The following SCARF2 variants were observed in gnomAD, a reference collection of about 807,000 sequenced individuals.
The protein encoded by SCARF2 is scavenger receptor expressed by endothelial cells 2 protein.
In SCARF2, 39 loss-of-function variants were observed where a neutral mutation model predicts 73.4. That is an observed-to-expected ratio of 0.53 (90% CI 0.41 to 0.69). The LOEUF (loss-of-function observed/expected upper bound fraction) is 0.69, where lower values mean the gene tolerates loss of function less well. Ranked by LOEUF, SCARF2 falls within the 30% of genes least tolerant of loss-of-function variation. The probability of loss-of-function intolerance (pLI) is 0.00; values close to 1 mark genes in which losing one functional copy is unlikely to be tolerated. For missense variants in SCARF2, 1,148 were observed against 1,303.5 expected (o/e 0.88, Z 1.84); for synonymous variants, 605 against 590.0 (o/e 1.03, Z -0.37).
chr22:20,428,048 G>C (rs1303043455), intron 9 of SCARF2, among the ~76,000 whole-genome samples: 1 of 152,116 alleles, frequency 6.6e-6, no homozygotes, highest in Non-Finnish European at 1.5e-5. Context: ...CCCCACAACA[G>C]GGGGCCCCAG....
rs1400213558 is a variant in SCARF2, at chr22:20,425,326, G to A, written c.*49C>T. On this transcript the variant is annotated 3_prime_UTR_variant, in exon 11 of 11. Coordinates refer to ENST00000622235, the MANE Select transcript of SCARF2 (RefSeq NM_182895.5). The surrounding 1 kb of genome is among the most constrained non-coding windows in gnomAD (Gnocchi z 4.6). Reference sequence around the variant, plus strand: ...GTAGCGTGGGAGGTGTGGGGTGGCGGGCGGCGCTGCGAAGCTGAGGGAGCT... The same window carrying A: ...GTAGCGTGGGAGGTGTGGGGTGGCGAGCGGCGCTGCGAAGCTGAGGGAGCT... The A allele has an allele frequency of 7.6e-7, 1 of 1,318,126 alleles. No individual in the cohort carries two copies. 81.7% of individuals were successfully genotyped at this position (1,318,126 alleles called of 1,614,324 possible).
At chr22:20,435,908 C>A (rs1181392136) in intron 1 of SCARF2, among the ~76,000 whole-genome samples, 1 of 152,258 alleles carries the variant, frequency 6.6e-6, no homozygotes, top group Admixed American at 6.5e-5. Context: ...CTCCTCTCCC[C>A]ATCCTCCTGC....
In SCARF2 at chr22:20,430,843, G is replaced by A. The variant is rs750518248; in HGVS notation, c.920C>T (p.Pro307Leu). Residue 307 changes from proline (P) to leucine (L), a missense_variant, in exon 5 of 11, where the codon CCC becomes CTC. Physicochemically the swap from Pro to Leu is moderately conservative, Grantham distance 98. Around this residue, in one of 5 missense-constraint regions of SCARF2, gnomAD observed 372 missense variants for 532.0 expected, o/e 0.70. Coordinates refer to ENST00000622235, the MANE Select transcript of SCARF2 (RefSeq NM_182895.5). ...VAEGRCLTCE[P>L]GWNGTKCDQP... ...GTCGCACTTGGTTCCGTTCCAGCCG[G>A]GCTCGCACGTCAAGCAGCGGCCCTC... is the stretch of plus-strand genomic sequence containing the variant. 8.1e-6 allele frequency: 13 copies of A among 1,607,184 alleles called. No individual in the cohort carries two copies. Among genetic ancestry groups the A allele is most frequent in the Non-Finnish European group, 1.1e-5 (13 of 1,178,116 alleles).
chr22:20,437,461 G>A, intron 1 of SCARF2, 121 bp downstream of exon 1: 1 of 1,076,608 alleles, frequency 9.3e-7, no homozygotes, highest in Non-Finnish European at 1.3e-6. Flanking sequence ...TGGCTAGGGA[G>A]CCGAAGGGGC....
rs2052720487 is a variant in SCARF2 at position 20,437,805 on chromosome 22, G to A, written c.-51C>T. The A allele has an allele frequency of 2.6e-6, 2 of 779,326 alleles. No homozygotes were observed. The highest frequency in any genetic ancestry group is 1.9e-5 in the African/African-American group (1 of 53,044). 48.3% of individuals were successfully genotyped at this position (779,326 alleles called of 1,614,324 possible). ...GCACGGGCGCGGGTGCGGCCGCAGCGAGAGCGGCCGGAAGCGGAGTGCGAG... is the reference window on the plus strand; with the variant it reads ...GCACGGGCGCGGGTGCGGCCGCAGCAAGAGCGGCCGGAAGCGGAGTGCGAG... On this transcript the variant is annotated 5_prime_UTR_variant, in exon 1 of 11. Coordinates refer to ENST00000622235, the MANE Select transcript of SCARF2 (RefSeq NM_182895.5).
In SCARF2 at chr22:20,437,653, G is replaced by GAGCAGCAGC. The variant is rs746523771; in HGVS notation, c.93_101dup (p.Leu32_Leu34dup). The GAGCAGCAGC allele has an allele frequency of 2.0e-6, 3 of 1,536,900 alleles. No homozygotes were observed. Among genetic ancestry groups the GAGCAGCAGC allele is most frequent in the Non-Finnish European group, 1.7e-6 (2 of 1,148,704 alleles). On this transcript the variant is annotated inframe_insertion, in exon 1 of 11. Transcript: ENST00000622235. Reference sequence around the variant, plus strand: ...GCGCCACGGTGTCCGGCAGCATCCAGAGCAGCAGCAGCAGCAGCAGCGACG... The same window carrying GAGCAGCAGC: ...GCGCCACGGTGTCCGGCAGCATCCAGAGCAGCAGCAGCAGCAGCAGCAGCAGCAGCGACG...
Position 20,425,456 on chromosome 22 carries a change from C to G in SCARF2, c.2520G>C (p.Lys840Asn). The G allele has an allele frequency of 7.1e-7, 1 of 1,416,544 alleles. No individual in the cohort carries two copies. The highest frequency in any genetic ancestry group is 9.2e-7 in the Non-Finnish European group (1 of 1,083,402). The allele number at this position is 1,416,544 out of a possible 1,614,324, so 87.7% of individuals were successfully genotyped here. A position where few individuals can be genotyped will look rare whatever the true frequency, so the allele number is the denominator to read the frequency against. Residue 840 changes from lysine to asparagine, a missense_variant, in exon 11 of 11, where the codon AAG (lysine) becomes AAC (asparagine). Lys to Asn is a moderately conservative substitution (Grantham distance 94, BLOSUM62 0). Coordinates refer to ENST00000622235, the MANE Select transcript of SCARF2 (RefSeq NM_182895.5). The surrounding 1 kb of genome is among the most constrained non-coding windows in gnomAD (Gnocchi z 4.6). Reference sequence around the variant, plus strand: ...TGCGCGGCGGCTTCTGGATGGGGGTCTTCTTCCGGGGGGTCTCAGGCGCGG... The same window carrying G: ...TGCGCGGCGGCTTCTGGATGGGGGTGTTCTTCCGGGGGGTCTCAGGCGCGG... ...DLPAPETPRK[K>N]TPIQKPPRKK...
chr22:20,425,870 G>A lies in SCARF2; in HGVS notation c.2106C>T (p.Ser702=). Residue 702 remains serine, a synonymous_variant, in exon 11 of 11, where the codon AGC becomes AGT. Transcript: ENST00000622235. This position sits in a 1 kb window ranked among gnomAD's most constrained non-coding sequence, Gnocchi z 4.6. ...PSPSKRKRTP[S]DKSAHTVEHG... is the part of the protein sequence containing the mutation. ...GTTCGACCGTATGCGCCGATTTGTCGCTGGGCGTCCGTTTCCTCTTGCTGG... is the reference window on the plus strand; with the variant it reads ...GTTCGACCGTATGCGCCGATTTGTCACTGGGCGTCCGTTTCCTCTTGCTGG... 1.3e-6 allele frequency: 2 copies of A among 1,596,514 alleles called. No homozygotes were observed. Among genetic ancestry groups the A allele is most frequent in the South Asian group, 2.2e-5 (2 of 89,334 alleles).
At chr22:20,432,258 GA>G (rs1257912483) in intron 1 of SCARF2, among the ~76,000 whole-genome samples, 2 of 152,190 alleles carry the variant, frequency 1.3e-5, no homozygotes, top group African/African-American at 4.8e-5. Context: ...TTAGGCCTGA[GA>G]AAAGTGGCCT....
Position 20,425,718 on chromosome 22 carries a change from G to A in SCARF2, c.2258C>T (p.Pro753Leu), listed in dbSNP as rs1215285112. The A allele has an allele frequency of 1.6e-6, 2 of 1,225,934 alleles. No homozygotes were observed. The highest frequency in any genetic ancestry group is 3.1e-5 in the African/African-American group (2 of 63,590). 75.9% of individuals were successfully genotyped at this position (1,225,934 alleles called of 1,614,324 possible). The change falls in exon 11 of 11, where the codon CCC (proline) becomes CTC (leucine). Residue 753 changes from proline (P) to leucine (L), a missense_variant. Physicochemically the swap from Pro to Leu is moderately conservative, Grantham distance 98. Transcript: ENST00000622235. The surrounding 1 kb of genome is among the most constrained non-coding windows in gnomAD (Gnocchi z 4.6). Reference sequence around the variant, plus strand: ...TCGCGGGGGACCGCCGGCGTCCGTGGGCTCCAAGAGGCCGGGGCCGCGGCC... The same window carrying A: ...TCGCGGGGGACCGCCGGCGTCCGTGAGCTCCAAGAGGCCGGGGCCGCGGCC... ...ARGRGPGLLE[P>L]TDAGGPPRSA... is the part of the protein sequence containing the mutation.
Position 20,430,494 on chromosome 22 carries a change from G to A in SCARF2, c.1137C>T (p.Cys379=), listed in dbSNP as rs1323199467. ...ACTGGAAGTCGCAGTGTCCGCTGCCGCAGTCGGCGCACACGAAGGCGCAGT... is the reference window on the plus strand; with the variant it reads ...ACTGGAAGTCGCAGTGTCCGCTGCCACAGTCGGCGCACACGAAGGCGCAGT... ...GEDCAFVCAD[C]GSGHCDFQSG... is the part of the protein sequence containing the mutation. The change falls in exon 6 of 11, where the codon TGC becomes TGT. Residue 379 remains cysteine, a synonymous_variant. Transcript: ENST00000622235. 1 of 1,601,200 alleles carries A rather than the reference G, an allele frequency of 6.2e-7. No homozygotes were observed. Among genetic ancestry groups the A allele is most frequent in the Non-Finnish European group, 8.5e-7 (1 of 1,174,676 alleles).
In SCARF2 at chr22:20,425,058, G is replaced by A. The variant is rs1220683592; in HGVS notation, c.*317C>T. 9.3e-6 allele frequency: 3 copies of A among 322,092 alleles called. No individual in the cohort carries two copies. Among genetic ancestry groups the A allele is most frequent in the Admixed American group, 9.9e-5 (2 of 20,160 alleles). 20.0% of individuals were successfully genotyped at this position (322,092 alleles called of 1,614,324 possible). A position where few individuals can be genotyped will look rare whatever the true frequency, so the allele number is the denominator to read the frequency against. On this transcript the variant is annotated 3_prime_UTR_variant, in exon 11 of 11. Coordinates refer to ENST00000622235, the MANE Select transcript of SCARF2 (RefSeq NM_182895.5). This position sits in a 1 kb window ranked among gnomAD's most constrained non-coding sequence, Gnocchi z 4.6. ...AGTCCACTCCTGGCCAGTAAGAGGC[G>A]GTCTTTAAGCGGAACCCTCCCATCT...
intron 1 of SCARF2, 114 bp from the exon 2 acceptor site, chr22:20,432,102 C>T: frequency 3.7e-6 from 4 of 1,090,962 alleles, no homozygotes; most frequent in South Asian, 1.3e-5. Context: ...GCGCTCCTGT[C>T]CTAGGGGGGT....
intron 10 of SCARF2, 68 bp from the exon 11 acceptor site, chr22:20,426,350 C>T: frequency 6.7e-7 from 1 of 1,502,122 alleles, no homozygotes; most frequent in Non-Finnish European, 8.9e-7. Flanking sequence ...CCTCCAGGCG[C>T]AAACCTTCAC....
intron 10 of SCARF2, among the ~76,000 whole-genome samples, chr22:20,426,636 T>C (rs780695623): frequency 1.3e-5 from 2 of 152,218 alleles, no homozygotes; most frequent in Non-Finnish European, 2.9e-5. Context: ...TATCCTTCTT[T>C]AAGAGAGAAG....
intron 6 of SCARF2, 143 bp downstream of exon 6, chr22:20,430,286 G>T: frequency 9.6e-7 from 1 of 1,039,902 alleles, no homozygotes; most frequent in African/African-American, 1.6e-5. Flanking sequence ...CCCCCAAAGA[G>T]CCTACTGTCA....
rs542257135 is a variant in SCARF2, at chr22:20,427,444, C to T, written c.1647G>A (p.Ser549=). The change falls in exon 10 of 11, where the codon TCG becomes TCA. Residue 549 remains serine (S), a synonymous_variant. Transcript: ENST00000622235. ...PSWSSRASFS[S]FDTTDEGPVY... Reference sequence around the variant, plus strand: ...CAGGGCCTTCATCAGTGGTGTCAAACGAGGAGAAGGAGGCCCGAGAGGACC... The same window carrying T: ...CAGGGCCTTCATCAGTGGTGTCAAATGAGGAGAAGGAGGCCCGAGAGGACC... 3.9e-5 allele frequency: 63 copies of T among 1,614,158 alleles called. No individual in the cohort carries two copies. Among genetic ancestry groups the T allele is most frequent in the Middle Eastern group, 1.7e-4 (1 of 6,048 alleles).
rs1417562813 is a variant in SCARF2, at chr22:20,430,532, T to A, written c.1099A>T (p.Thr367Ser). Reference protein sequence around the residue: ...DRCETKCSNGTYGEDCAFVCA... With the variant: ...DRCETKCSNGSYGEDCAFVCA... The stretch of plus-strand genomic sequence containing the variant: ...ACGAAGGCGCAGTCCTCGCCGTAAG[T>A]GCCATTGCTACACTTGGTCTCGCAC... The change falls in exon 6 of 11, where the codon ACT (threonine) becomes TCT (serine). Residue 367 changes from threonine to serine, a missense_variant. Physicochemically the swap from Thr to Ser is moderately conservative, Grantham distance 58 (BLOSUM62 1). Around this residue, in one of 5 missense-constraint regions of SCARF2, gnomAD observed 372 missense variants for 532.0 expected, o/e 0.70. Coordinates refer to ENST00000622235, the MANE Select transcript of SCARF2 (RefSeq NM_182895.5). 6.2e-7 allele frequency: 1 copy of A among 1,610,224 alleles called. No homozygotes were observed. Among genetic ancestry groups the A allele is most frequent in the East Asian group, 2.2e-5 (1 of 44,732 alleles).
intron 10 of SCARF2, 81 bp downstream of exon 10, chr22:20,427,317 C>T: frequency 1.3e-6 from 2 of 1,546,798 alleles, no homozygotes; most frequent in South Asian, 1.1e-5. Flanking sequence ...CTGCCCTTCT[C>T]CTGTGTCCCA....
Sources: allele counts gnomAD v4.1 joint callset (sites outside exome capture counted in the v4.1 genomes callset), GRCh38; gene constraint gnomAD v4.1.1; regional missense constraint gnomAD v4.1.1; non-coding constraint Gnocchi (gnomAD v3.1); transcripts MANE v1.5; gene names NCBI Gene and HGNC (gene_info 2026-07-23, HGNC 2026-07-21).